Variants in SLC25A21 observed in about 807,000 individuals in gnomAD.
The protein encoded by SLC25A21 is solute carrier family 25 member 21.
SLC25A21 carries 47 observed loss-of-function variants against 43.8 expected under a neutral mutation model. That is an observed-to-expected ratio of 1.07 (90% CI 0.85 to 1.37). SLC25A21 has a LOEUF of 1.37. SLC25A21 is among the 40% of genes most tolerant of loss of function. SLC25A21 has a pLI of 0.00. For missense variants in SLC25A21, 352 were observed against 350.2 expected (o/e 1.00, Z -0.04); for synonymous variants, 131 against 121.3 (o/e 1.08, Z -0.52).
chr14:36,879,771 A>C (rs1392380904), intron 1 of SLC25A21, among the ~76,000 whole-genome samples: 1 of 151,872 alleles, frequency 6.6e-6, no homozygotes, highest in East Asian at 1.9e-4. Context: ...CTGATCATTA[A>C]CACCACCCCC....
rs1184545771 is a variant in SLC25A21 at position 36,926,112 on chromosome 14, A to G, written c.71-51108T>C. ...CAAAATAGAACATAGGCTGGATCAT[A>G]AAATTAATCTTAAAAAAATTGATGG... On this transcript the variant is annotated intron_variant, in intron 1 of 9. Transcript: ENST00000331299. 2.6e-5 allele frequency among the ~76,000 whole-genome samples: 4 copies of G among 152,196 alleles called. No individual in the cohort carries two copies. The East Asian group carries it at 7.7e-4, about 29-fold the overall frequency.
intron 1 of SLC25A21, among the ~76,000 whole-genome samples, chr14:37,046,993 C>A (rs1296371700): frequency 6.6e-6 from 1 of 152,204 alleles, no homozygotes; most frequent in East Asian, 1.9e-4. Flanking sequence ...TGTTTTAGAA[C>A]ATCACAGTTC....
chr14:37,170,957 A>C (rs940359428), intron 1 of SLC25A21, among the ~76,000 whole-genome samples: 5 of 149,056 alleles, frequency 3.4e-5, no homozygotes, highest in African/African-American at 1.2e-4. Context: ...CGGCATGGTG[A>C]TGCGCATCGG....
intron 3 of SLC25A21, among the ~76,000 whole-genome samples, chr14:36,784,750 A>C (rs1037228340): frequency 1.7e-4 from 26 of 152,250 alleles, no homozygotes; most frequent in African/African-American, 6.3e-4. Flanking sequence ...AAGGAGAGGT[A>C]GGAATGGAAA....
intron 1 of SLC25A21, among the ~76,000 whole-genome samples, chr14:37,155,799 C>T (rs1160622367): frequency 6.6e-6 from 1 of 152,046 alleles, no homozygotes; most frequent in African/African-American, 2.4e-5. Flanking sequence ...TAGATTGGAC[C>T]TAGAAGAAAT....
intron 3 of SLC25A21, among the ~76,000 whole-genome samples, chr14:36,748,423 A>C (rs1370727443): frequency 6.6e-6 from 1 of 152,208 alleles, no homozygotes; most frequent in East Asian, 1.9e-4. Flanking sequence ...ACTAAAACAC[A>C]AGTTAAATAA....
intron 5 of SLC25A21, 106 bp downstream of exon 5, chr14:36,729,401 A>C: frequency 1.2e-6 from 1 of 861,508 alleles, no homozygotes; most frequent in Non-Finnish European, 1.7e-6. Context: ...AATAACTCGA[A>C]TTCATATTTT....
chr14:36,696,460 T>C (rs1883029057), intron 7 of SLC25A21, among the ~76,000 whole-genome samples: 1 of 152,150 alleles, frequency 6.6e-6, no homozygotes, highest in Non-Finnish European at 1.5e-5. Flanking sequence ...TTTCTATTGA[T>C]TGGAATAGTT....
intron 1 of SLC25A21, among the ~76,000 whole-genome samples, chr14:37,116,197 T>G (rs1429646277): frequency 6.6e-6 from 1 of 152,142 alleles, no homozygotes; most frequent in African/African-American, 2.4e-5. Flanking sequence ...ACTGTAAACT[T>G]CAATTTTCAT....
chr14:36,930,404 T>C (rs1469304303), intron 1 of SLC25A21, among the ~76,000 whole-genome samples: 1 of 151,996 alleles, frequency 6.6e-6, no homozygotes, highest in Non-Finnish European at 1.5e-5. Flanking sequence ...AATCTGGGAG[T>C]CATGGTAAAC....
At chr14:36,984,355 T>C (rs560323252) in intron 1 of SLC25A21, among the ~76,000 whole-genome samples, 1 of 152,278 alleles carries the variant, frequency 6.6e-6, no homozygotes, top group Admixed American at 6.5e-5. Context: ...ATGAAATAGT[T>C]TGCCCCCAAA....
chr14:37,151,983 C>T (rs576819123), intron 1 of SLC25A21, among the ~76,000 whole-genome samples: 7 of 152,094 alleles, frequency 4.6e-5, no homozygotes, highest in South Asian at 4.2e-4. Flanking sequence ...TGCAGTGAGC[C>T]GAGGTCACTT....
chr14:36,708,468 T>C (rs1253738984), intron 7 of SLC25A21, among the ~76,000 whole-genome samples: 2 of 152,286 alleles, frequency 1.3e-5, no homozygotes, highest in East Asian at 3.9e-4. Flanking sequence ...AATAAGATCT[T>C]TCCCTGTCAT....
At chr14:36,854,996 G>A (rs546020661) in intron 2 of SLC25A21, among the ~76,000 whole-genome samples, 3 of 152,088 alleles carry the variant, frequency 2.0e-5, no homozygotes, top group African/African-American at 7.2e-5. Context: ...CAAGGTGGAG[G>A]CAATAAGGGG....
intron 1 of SLC25A21, among the ~76,000 whole-genome samples, chr14:37,050,540 T>A (rs1262828659): frequency 6.6e-6 from 1 of 152,234 alleles, no homozygotes; most frequent in Non-Finnish European, 1.5e-5. Context: ...CTCATCAGCC[T>A]AGAGGGACAC....
intron 1 of SLC25A21, among the ~76,000 whole-genome samples, chr14:37,139,160 T>G (rs1192005833): frequency 6.6e-6 from 1 of 152,112 alleles, no homozygotes; most frequent in Non-Finnish European, 1.5e-5. Context: ...AATTTAATCT[T>G]GTGTCCAAAT....
At chr14:37,083,474 T>C (rs780569608) in intron 1 of SLC25A21, among the ~76,000 whole-genome samples, 6 of 152,234 alleles carry the variant, frequency 3.9e-5, no homozygotes, top group Non-Finnish European at 8.8e-5. Context: ...CCAACTGTTT[T>C]ATCACATTTA....
chr14:36,773,678 AC>A (rs1886710825), intron 3 of SLC25A21, among the ~76,000 whole-genome samples: 1 of 152,238 alleles, frequency 6.6e-6, no homozygotes, highest in African/African-American at 2.4e-5. Context: ...CCAGAGATCC[AC>A]CAGTGCAGTT....
At chr14:37,076,776 A>C (rs1962290132) in intron 1 of SLC25A21, among the ~76,000 whole-genome samples, 5 of 152,138 alleles carry the variant, frequency 3.3e-5, no homozygotes, top group Admixed American at 3.3e-4. Context: ...GAGCCACTGC[A>C]CCTGGCCCCC....
Sources: allele counts gnomAD v4.1 joint callset (sites outside exome capture counted in the v4.1 genomes callset), GRCh38; gene constraint gnomAD v4.1.1; transcripts MANE v1.5; gene names NCBI Gene and HGNC (gene_info 2026-07-23, HGNC 2026-07-21).